Variants in C16orf96 observed in about 807,000 individuals in gnomAD.
The protein encoded by C16orf96 is chromosome 16 open reading frame 96, also known as uncharacterized protein C16orf96.
C16orf96 carries 108 observed loss-of-function variants against 103.6 expected under a neutral mutation model. That is an observed-to-expected ratio of 1.04 (90% CI 0.89 to 1.22). The LOEUF (loss-of-function observed/expected upper bound fraction) is 1.22, where lower values mean the gene tolerates loss of function less well. C16orf96 is among the 50% of genes most tolerant of loss of function. The probability of loss-of-function intolerance (pLI) is 0.00; values close to 1 mark genes in which losing one functional copy is unlikely to be tolerated. For synonymous variants in C16orf96, 566 were observed against 593.5 expected (o/e 0.95, Z 0.67); for missense variants, 1,586 against 1,464.2 (o/e 1.08, Z -1.36).
chr16:4,558,541 G>A (rs770110600), intron 1 of C16orf96, among the ~76,000 whole-genome samples: 1 of 152,116 alleles, frequency 6.6e-6, no homozygotes, highest in African/African-American at 2.4e-5. Flanking sequence ...AACCCCAGGA[G>A]TTGGAAGCTG....
chr16:4,589,551 C>G (rs1897008605), intron 9 of C16orf96, among the ~76,000 whole-genome samples: 1 of 151,432 alleles, frequency 6.6e-6, no homozygotes, highest in Non-Finnish European at 1.5e-5. Flanking sequence ...GCACTCCAGC[C>G]TGGGCAGCAG....
intron 7 of C16orf96, among the ~76,000 whole-genome samples, chr16:4,582,784 T>C (rs1199169937): frequency 6.6e-6 from 1 of 152,116 alleles, no homozygotes; most frequent in Non-Finnish European, 1.5e-5. Context: ...AGACCCTGCA[T>C]GGGGGTGAGC....
intron 9 of C16orf96, among the ~76,000 whole-genome samples, chr16:4,590,092 C>T (rs1897023190): frequency 6.6e-6 from 1 of 151,812 alleles, no homozygotes; most frequent in African/African-American, 2.4e-5. Context: ...CGCCACTGCA[C>T]TCCAGCCTGG....
At chr16:4,579,377 A>C (rs980438264) in intron 6 of C16orf96, among the ~76,000 whole-genome samples, 4 of 151,980 alleles carry the variant, frequency 2.6e-5, no homozygotes, top group Non-Finnish European at 5.9e-5. Flanking sequence ...ACATAGTGAG[A>C]TCCCTTCTCT....
intron 12 of C16orf96, 126 bp from the exon 13 acceptor site, chr16:4,594,225 T>G: frequency 8.8e-7 from 1 of 1,131,244 alleles, no homozygotes; most frequent in Non-Finnish European, 1.2e-6. Context: ...TGCCTGGCTG[T>G]GCCAGCTAAA....
At chr16:4,547,252 A>G in the C16orf96 span, among the ~76,000 whole-genome samples, 194 of 152,322 alleles carry the variant, frequency 1.3e-3, no homozygotes, top group Middle Eastern at 6.8e-3. Flanking sequence ...CTCCTGCCTC[A>G]GCCTCCCAAG....
At chr16:4,592,280 C>A in intron 10 of C16orf96, 25 bp from the exon 11 acceptor site, 1 of 1,551,238 alleles carries the variant, frequency 6.4e-7, no homozygotes, top group Non-Finnish European at 8.7e-7. Flanking sequence ...GCAGGGGCAG[C>A]GGCTGATGAT....
At chr16:4,557,707 T>C (rs1261011797) in intron 1 of C16orf96, among the ~76,000 whole-genome samples, 4 of 152,196 alleles carry the variant, frequency 2.6e-5, no homozygotes, top group Non-Finnish European at 5.9e-5. Flanking sequence ...TGTCACTCTG[T>C]CATCCAGGCT....
chr16:4,572,891 C>T (rs144708236), intron 2 of C16orf96, among the ~76,000 whole-genome samples: 13 of 152,270 alleles, frequency 8.5e-5, no homozygotes, highest in Admixed American at 3.3e-4. Flanking sequence ...CAGCTGTCCC[C>T]GTCACAACTG....
chr16:4,597,106 C>T (rs1216241134), intron 14 of C16orf96, among the ~76,000 whole-genome samples: 1 of 152,198 alleles, frequency 6.6e-6, no homozygotes, highest in Non-Finnish European at 1.5e-5. Context: ...TTCAACACAC[C>T]CTGTTTCCAG....
At chr16:4,551,873 C>G (rs1455342441), upstream of C16orf96, among the ~76,000 whole-genome samples, 1 of 152,116 alleles carries the variant, frequency 6.6e-6, no homozygotes, top group Non-Finnish European at 1.5e-5. Context: ...TAAGCCCTGC[C>G]TGCATTTGGT....
chr16:4,574,659 G>A lies in C16orf96; in HGVS notation c.526-50G>A, dbSNP rs1406459262. 11 of 1,440,284 alleles carry A rather than the reference G, an allele frequency of 7.6e-6. No homozygotes were observed. In the Admixed American group the frequency reaches 2.2e-4, roughly 28 times the overall value. The allele number at this position is 1,440,284 out of a possible 1,614,324, so 89.2% of individuals were successfully genotyped here. ...ACCTAGAGCCACGGGAAAAGGCAGG[G>A]GTGGGACAGAACCTGGACCCCCAGT... On this transcript the variant is annotated intron_variant, in intron 2 of 15. Transcript: ENST00000444310.
chr16:4,552,645 C>T (rs1490007954), upstream of C16orf96, among the ~76,000 whole-genome samples: 1 of 152,104 alleles, frequency 6.6e-6, no homozygotes, highest in African/African-American at 2.4e-5. Flanking sequence ...TCACAAACAT[C>T]CTTGTGCATG....
chr16:4,585,987 C>A (rs1403783522), intron 7 of C16orf96, among the ~76,000 whole-genome samples: 1 of 152,156 alleles, frequency 6.6e-6, no homozygotes, highest in East Asian at 1.9e-4. Context: ...GAGCCAGGCG[C>A]GGTGGCTCAC....
rs1441577479 is a variant in C16orf96, at chr16:4,594,339, G to T, written c.2868-12G>T. On this transcript the variant is annotated splice_polypyrimidine_tract_variant and intron_variant, in intron 12 of 15. Transcript: ENST00000444310. Reference sequence around the variant, plus strand: ...GTCTCCAGGTCGCTGCTGACCCACTGCCCTGCTGCAGGGAACAGCAGTGGC... The same window carrying T: ...GTCTCCAGGTCGCTGCTGACCCACTTCCCTGCTGCAGGGAACAGCAGTGGC... The T allele has an allele frequency of 6.5e-7, 1 of 1,549,990 alleles. No homozygotes were observed. Among genetic ancestry groups the T allele is most frequent in the Admixed American group, 2.0e-5 (1 of 50,970 alleles).
intron 10 of C16orf96, 63 bp downstream of exon 10, chr16:4,591,847 C>A: frequency 7.9e-7 from 1 of 1,267,408 alleles, no homozygotes; most frequent in Non-Finnish European, 1.1e-6. Flanking sequence ...GGGAACACAC[C>A]CTGGAAGCTC....
At chr16:4,579,921 C>T (rs917259149) in intron 6 of C16orf96, 94 bp from the exon 7 acceptor site, 15 of 1,070,904 alleles carry the variant, frequency 1.4e-5, no homozygotes, top group East Asian at 1.3e-4. Context: ...TGGTCTGGTA[C>T]ATTCTTCTTG....
Position 4,594,515 on chromosome 16 carries a change from GTC to G in C16orf96, c.3027+7_3027+8del. The G allele has an allele frequency of 6.5e-7, 1 of 1,550,124 alleles. No individual in the cohort carries two copies. Among genetic ancestry groups the G allele is most frequent in the Non-Finnish European group, 8.7e-7 (1 of 1,146,074 alleles). On this transcript the variant is annotated splice_donor_region_variant and intron_variant, in intron 13 of 15. Coordinates refer to ENST00000444310, the MANE Select transcript of C16orf96 (RefSeq NM_001145011.2). Reference sequence around the variant, plus strand: ...CACGTGATCGACTATGACAGCGTGAGTCTGGCCGGGGCCTCCTTCTCAGAGGG... The same window carrying G: ...CACGTGATCGACTATGACAGCGTGAGTGGCCGGGGCCTCCTTCTCAGAGGG...
upstream of C16orf96, among the ~76,000 whole-genome samples, chr16:4,554,787 A>C (rs2059247835): frequency 1.3e-5 from 2 of 151,562 alleles, no homozygotes; most frequent in African/African-American, 2.4e-5. Context: ...CGAGTAGCTG[A>C]CTACAGGCAC....
Sources: gnomAD v4.1 joint callset for allele counts (sites outside exome capture counted in the v4.1 genomes callset) on GRCh38, gnomAD v4.1.1 for gene constraint, MANE v1.5 for transcripts, NCBI Gene and HGNC (gene_info 2026-07-23, HGNC 2026-07-21) for gene names.